Variants in PTPRD observed in about 807,000 individuals in gnomAD.
The protein encoded by PTPRD is receptor-type tyrosine-protein phosphatase delta.
In PTPRD, 34 loss-of-function variants were observed where a neutral mutation model predicts 214.5. The observed-to-expected ratio is 0.16, with a 90% confidence interval of 0.12 to 0.21. PTPRD has a LOEUF of 0.21. Ranked by LOEUF, PTPRD falls within the 10% of genes least tolerant of loss-of-function variation. The pLI is 1.00. For missense variants in PTPRD, 2,545 were observed against 2,398.7 expected (o/e 1.06, Z -1.27); for synonymous variants, 1,128 against 845.7 (o/e 1.33, Z -5.79).
chr9:8,643,950 T>C (rs2096632511), intron 12 of PTPRD, among the ~76,000 whole-genome samples: 1 of 152,160 alleles, frequency 6.6e-6, no homozygotes, highest in Admixed American at 6.5e-5. Context: ...TGCTGGGCTG[T>C]CAGCCCCACA....
At chr9:9,219,704 C>T (rs1305259366) in intron 9 of PTPRD, among the ~76,000 whole-genome samples, 2 of 152,114 alleles carry the variant, frequency 1.3e-5, no homozygotes, top group Non-Finnish European at 2.9e-5. Flanking sequence ...AGACATTGAG[C>T]ACAAGTAAAC....
intron 10 of PTPRD, among the ~76,000 whole-genome samples, chr9:9,055,909 A>G (rs2099695328): frequency 6.6e-6 from 1 of 151,888 alleles, no homozygotes; most frequent in Non-Finnish European, 1.5e-5. Flanking sequence ...GGTATTCTCA[A>G]TGAGTTCTCA....
At chr9:9,968,267 C>G (rs2094844126) in intron 4 of PTPRD, among the ~76,000 whole-genome samples, 2 of 152,226 alleles carry the variant, frequency 1.3e-5, no homozygotes, top group South Asian at 2.1e-4. Flanking sequence ...TGGAGAGGAA[C>G]AGAGCTGATT....
intron 2 of PTPRD, among the ~76,000 whole-genome samples, chr9:10,427,764 G>C (rs890254706): frequency 1.3e-5 from 2 of 151,972 alleles, no homozygotes; most frequent in Non-Finnish European, 2.9e-5. Flanking sequence ...CAACCCACTG[G>C]GGTGGAAAAT....
intron 9 of PTPRD, among the ~76,000 whole-genome samples, chr9:9,252,218 A>T (rs959507621): frequency 6.6e-6 from 1 of 152,064 alleles, no homozygotes; most frequent in Non-Finnish European, 1.5e-5. Context: ...AGAAGCTCCA[A>T]AAACAGCATA....
intron 22 of PTPRD, among the ~76,000 whole-genome samples, chr9:8,506,188 T>G (rs970566792): frequency 1.3e-5 from 2 of 152,202 alleles, no homozygotes; most frequent in Non-Finnish European, 2.9e-5. Context: ...TCATTTAGCA[T>G]GTGAGTTTTT....
chr9:9,324,386 C>T (rs1444915291), intron 9 of PTPRD, among the ~76,000 whole-genome samples: 2 of 152,294 alleles, frequency 1.3e-5, no homozygotes, highest in Non-Finnish European at 1.5e-5. Flanking sequence ...GCCATTCTAA[C>T]TGGTGTGAGA....
At chr9:8,473,849 C>T (rs2096709541) in intron 30 of PTPRD, among the ~76,000 whole-genome samples, 1 of 152,188 alleles carries the variant, frequency 6.6e-6, no homozygotes, top group Non-Finnish European at 1.5e-5. Context: ...TCATCTAGGG[C>T]AGTCAAAGTG....
At chr9:9,061,961 C>T (rs1206759339) in intron 10 of PTPRD, among the ~76,000 whole-genome samples, 1 of 152,112 alleles carries the variant, frequency 6.6e-6, no homozygotes. Flanking sequence ...CAAGAACCGA[C>T]TGTGGGAGTA....
chr9:10,245,503 T>C (rs1449381481), intron 3 of PTPRD, among the ~76,000 whole-genome samples: 1 of 152,204 alleles, frequency 6.6e-6, no homozygotes, highest in African/African-American at 2.4e-5. Flanking sequence ...GTACAAAATG[T>C]GCAAGGTGGC....
At chr9:9,922,350 G>C (rs1163062356) in intron 5 of PTPRD, among the ~76,000 whole-genome samples, 1 of 152,044 alleles carries the variant, frequency 6.6e-6, no homozygotes, top group Admixed American at 6.6e-5. Flanking sequence ...GTTAGATTTT[G>C]ATCAGAGCTA....
chr9:9,593,547 G>C (rs137991223), intron 7 of PTPRD, among the ~76,000 whole-genome samples: 342 of 152,018 alleles, frequency 2.2e-3, no homozygotes, highest in Non-Finnish European at 3.6e-3. Flanking sequence ...TGTTAATATG[G>C]AGGGAGTCAC....
chr9:8,573,183 A>G (rs2091598635), intron 14 of PTPRD, among the ~76,000 whole-genome samples: 1 of 152,014 alleles, frequency 6.6e-6, no homozygotes, highest in African/African-American at 2.4e-5. Context: ...ATGACAACTC[A>G]GTGCTGCCAT....
intron 14 of PTPRD, among the ~76,000 whole-genome samples, chr9:8,592,169 T>C (rs1418473200): frequency 6.6e-6 from 1 of 152,204 alleles, no homozygotes; most frequent in Non-Finnish European, 1.5e-5. Context: ...GACAGATTTG[T>C]CTTGATACTA....
intron 12 of PTPRD, among the ~76,000 whole-genome samples, chr9:8,667,769 A>C (rs536695987): frequency 6.6e-6 from 1 of 152,216 alleles, no homozygotes; most frequent in Non-Finnish European, 1.5e-5. Context: ...TAAAAAAATA[A>C]AATAAAATAA....
At chr9:9,193,851 A>C (rs1481529036) in intron 9 of PTPRD, among the ~76,000 whole-genome samples, 1 of 152,106 alleles carries the variant, frequency 6.6e-6, no homozygotes, top group Admixed American at 6.6e-5. Context: ...CTTTGGCTAC[A>C]CTAAATTTAT....
At chr9:9,209,019 A>G (rs1350575868) in intron 9 of PTPRD, among the ~76,000 whole-genome samples, 1 of 152,068 alleles carries the variant, frequency 6.6e-6, no homozygotes, top group Non-Finnish European at 1.5e-5. Flanking sequence ...CATGTTTGCC[A>G]GGATGGTCTC....
At chr9:8,821,238 T>C (rs2097055670) in intron 11 of PTPRD, among the ~76,000 whole-genome samples, 1 of 152,180 alleles carries the variant, frequency 6.6e-6, no homozygotes, top group Admixed American at 6.5e-5. Context: ...GCTGGCCACA[T>C]ACATGCTCTC....
intron 4 of PTPRD, among the ~76,000 whole-genome samples, chr9:9,969,953 C>A (rs1048275485): frequency 7.9e-5 from 12 of 152,130 alleles, no homozygotes; most frequent in African/African-American, 2.9e-4. Context: ...GCTTTCTTAT[C>A]TCTGTCCACT....
Sources: allele counts gnomAD v4.1 joint callset (sites outside exome capture counted in the v4.1 genomes callset), GRCh38; gene constraint gnomAD v4.1.1; transcripts MANE v1.5; gene names NCBI Gene and HGNC (gene_info 2026-07-23, HGNC 2026-07-21).